The following ATP10B variants were observed in gnomAD, a reference collection of about 807,000 sequenced individuals.
The protein encoded by ATP10B is phospholipid-transporting ATPase VB.
A neutral mutation model predicts 141.2 loss-of-function variants in ATP10B; 122 were observed. That is an observed-to-expected ratio of 0.86 (90% CI 0.75 to 1.00). The LOEUF (loss-of-function observed/expected upper bound fraction) is 1.00, where lower values mean the gene tolerates loss of function less well. Ranked by LOEUF, ATP10B falls within the 50% of genes least tolerant of loss-of-function variation. The probability of loss-of-function intolerance (pLI) is 0.00; values close to 1 mark genes in which losing one functional copy is unlikely to be tolerated. For synonymous variants in ATP10B, 685 were observed against 692.0 expected (o/e 0.99, Z 0.16); for missense variants, 1,876 against 1,825.3 (o/e 1.03, Z -0.51).
In ATP10B at chr5:160,840,974, G is replaced by C. The variant is rs78065855; in HGVS notation, c.-576+10967C>G. Among the ~76,000 whole-genome samples the C allele has an allele frequency of 6.0e-3, 914 of 152,222 alleles. 12 individuals are homozygous for C. The highest frequency in any genetic ancestry group is 0.021 in the African/African-American group (870 of 41,540). On this transcript the variant is annotated intron_variant, in intron 1 of 25. Transcript: ENST00000327245. ...TCGTTCATAGGGCTGTGGAAAACAT[G>C]AATTACTGGTAGGCATGCAGATTGG... is the stretch of plus-strand genomic sequence containing the variant.
At chr5:160,923,045 C>T in the ATP10B span, among the ~76,000 whole-genome samples, 84 of 152,320 alleles carry the variant, frequency 5.5e-4, no homozygotes, top group African/African-American at 1.5e-3. Flanking sequence ...TTACACTCAT[C>T]GATGAAGTGT....
chr5:160,864,372 T>C, the ATP10B span, among the ~76,000 whole-genome samples: 1 of 151,962 alleles, frequency 6.6e-6, no homozygotes, highest in Non-Finnish European at 1.5e-5. Flanking sequence ...TTTTATAAAA[T>C]CCACCATTTC....
intron 8 of ATP10B, among the ~76,000 whole-genome samples, chr5:160,648,025 A>G (rs1274411385): frequency 1.3e-5 from 2 of 152,188 alleles, no homozygotes; most frequent in African/African-American, 4.8e-5. Context: ...ATGTACGGCT[A>G]TGGAAAGCAC....
intron 1 of ATP10B, among the ~76,000 whole-genome samples, chr5:160,817,454 G>T (rs1361673928): frequency 6.6e-6 from 1 of 152,070 alleles, no homozygotes; most frequent in South Asian, 2.1e-4. Flanking sequence ...GGGACATGAA[G>T]GACCTCTTCA....
chr5:160,813,561 G>T (rs1773332843), intron 1 of ATP10B, among the ~76,000 whole-genome samples: 1 of 152,148 alleles, frequency 6.6e-6, no homozygotes, highest in Admixed American at 6.5e-5. Flanking sequence ...CTGGGGGCAG[G>T]GCATAGCCAA....
chr5:160,828,824 T>C (rs1221257718), intron 1 of ATP10B, among the ~76,000 whole-genome samples: 5 of 150,980 alleles, frequency 3.3e-5, no homozygotes, highest in African/African-American at 9.7e-5. Context: ...CCAACAATGA[T>C]AGACTGGATT....
intron 7 of ATP10B, among the ~76,000 whole-genome samples, chr5:160,665,485 G>T (rs1762267689): frequency 1.3e-5 from 2 of 152,176 alleles, no homozygotes; most frequent in African/African-American, 4.8e-5. Flanking sequence ...AGAGCTCAGG[G>T]CTAAAGAAAG....
intron 2 of ATP10B, among the ~76,000 whole-genome samples, chr5:160,736,112 C>T (rs920978054): frequency 6.6e-6 from 1 of 151,400 alleles, no homozygotes; most frequent in Non-Finnish European, 1.5e-5. Context: ...CAAAATTAGT[C>T]GAAGAAAAGA....
At chr5:160,903,210 A>G in the ATP10B span, among the ~76,000 whole-genome samples, 94,297 of 151,926 alleles carry the variant, frequency 0.62, 30,600 homozygotes, top group African/African-American at 0.81. Context: ...GCTTGCTTAG[A>G]TCAGACCCAA....
chr5:160,923,335 A>G, the ATP10B span, among the ~76,000 whole-genome samples: 1 of 152,186 alleles, frequency 6.6e-6, no homozygotes, highest in Non-Finnish European at 1.5e-5. Context: ...CTGACATCTA[A>G]ATAACTGGTT....
the ATP10B span, among the ~76,000 whole-genome samples, chr5:160,866,695 C>A: frequency 1.3e-5 from 2 of 151,766 alleles, no homozygotes; most frequent in Non-Finnish European, 2.9e-5. Context: ...CAAAACAAAA[C>A]CAAAACAAAA....
chr5:160,841,147 G>A (rs902596800), intron 1 of ATP10B, among the ~76,000 whole-genome samples: 2 of 152,154 alleles, frequency 1.3e-5, no homozygotes, highest in Admixed American at 6.6e-5. Flanking sequence ...AGTAATATCT[G>A]TAGGAAACTA....
chr5:160,819,749 G>A (rs1158027429), intron 1 of ATP10B, among the ~76,000 whole-genome samples: 2 of 152,100 alleles, frequency 1.3e-5, no homozygotes, highest in Non-Finnish European at 2.9e-5. Flanking sequence ...ACAATGTTAA[G>A]TTGTTATCAG....
intron 1 of ATP10B, among the ~76,000 whole-genome samples, chr5:160,797,080 C>CA (rs1771999470): frequency 1.3e-5 from 2 of 152,070 alleles, no homozygotes; most frequent in Admixed American, 1.3e-4. Flanking sequence ...CAGGGGGTTT[C>CA]AGAACTCACT....
chr5:160,762,828 A>G (rs1769139682), intron 2 of ATP10B, among the ~76,000 whole-genome samples: 1 of 151,508 alleles, frequency 6.6e-6, no homozygotes, highest in African/African-American at 2.4e-5. Flanking sequence ...CTTATCTGGC[A>G]CATGAAGACT....
chr5:160,604,705 G>GACAA lies in ATP10B; in HGVS notation c.3161-665_3161-664insTTGT, dbSNP rs1554095055. ...TTCAGGAAACTGGAGGTAAGGCATA[G>GACAA]ACACACACACACACATAAACACACA... On this transcript the variant is annotated intron_variant, in intron 19 of 25. Transcript: ENST00000327245. 4.4e-4 allele frequency among the ~76,000 whole-genome samples: 66 copies of GACAA among 151,532 alleles called. 1 individual carries two copies. The highest frequency in any genetic ancestry group is 1.6e-3 in the African/African-American group (66 of 41,184).
intron 1 of ATP10B, among the ~76,000 whole-genome samples, chr5:160,840,237 T>A (rs747753511): frequency 5.9e-5 from 9 of 151,956 alleles, no homozygotes; most frequent in Non-Finnish European, 1.2e-4. Flanking sequence ...TCAAGTTAGA[T>A]ATATTGGGAC....
At chr5:160,739,140 C>A (rs946004801) in intron 2 of ATP10B, among the ~76,000 whole-genome samples, 2 of 152,142 alleles carry the variant, frequency 1.3e-5, no homozygotes, top group Non-Finnish European at 2.9e-5. Context: ...AATCCAACTT[C>A]CATTTATGGT....
chr5:160,737,487 A>G (rs934203798), intron 2 of ATP10B, among the ~76,000 whole-genome samples: 3 of 152,220 alleles, frequency 2.0e-5, no homozygotes, highest in African/African-American at 7.2e-5. Flanking sequence ...ATATGATCTT[A>G]TATTTGGAAA....
Sources: gnomAD v4.1 joint callset for allele counts (sites outside exome capture counted in the v4.1 genomes callset) on GRCh38, gnomAD v4.1.1 for gene constraint, MANE v1.5 for transcripts, NCBI Gene and HGNC (gene_info 2026-07-23, HGNC 2026-07-21) for gene names.